Variants in APC observed in about 807,000 individuals in gnomAD.
APC encodes the protein APC regulator of Wnt signaling pathway.
A neutral mutation model predicts 247.0 loss-of-function variants in APC; 72 were observed. That is an observed-to-expected ratio of 0.29 (90% CI 0.24 to 0.35). APC has a LOEUF of 0.35. Ranked by LOEUF, APC falls within the 10% of genes least tolerant of loss-of-function variation. The pLI is 1.00. For missense variants in APC, 3,400 were observed against 3,360.7 expected (o/e 1.01, Z -0.29); for synonymous variants, 1,254 against 1,162.5 (o/e 1.08, Z -1.60).
intron 2 of APC, among the ~76,000 whole-genome samples, chr5:112,757,422 A>T (rs936378534): frequency 6.6e-6 from 1 of 152,016 alleles, no homozygotes; most frequent in Non-Finnish European, 1.5e-5. Flanking sequence ...CTGTTCATTA[A>T]TCTCTTTACC....
rs528532224 is a variant in APC at position 112,717,071 on chromosome 5, C to T, written c.165+9189C>T. Among the ~76,000 whole-genome samples the T allele has an allele frequency of 1.2e-3, 190 of 152,220 alleles. 3 individuals are homozygous for T. In the Middle Eastern group the frequency reaches 0.024, roughly 19 times the overall value. On this transcript the variant is annotated intron_variant, in intron 1 of 13. Transcript: ENST00000507379. The stretch of plus-strand genomic sequence containing the variant: ...TGTTGCCCAGGCTGGAGTGCAGTAG[C>T]GTGATCTTGGCTCACTGCAACCTCT...
chr5:112,828,333 G>T (rs1295071909), intron 13 of APC, among the ~76,000 whole-genome samples: 1 of 151,940 alleles, frequency 6.6e-6, no homozygotes, highest in Non-Finnish European at 1.5e-5. Flanking sequence ...TTAGATTGTT[G>T]CTCAGTATTT....
intron 2 of APC, among the ~76,000 whole-genome samples, chr5:112,765,746 A>G (rs1228732937): frequency 6.6e-6 from 1 of 152,200 alleles, no homozygotes; most frequent in African/African-American, 2.4e-5. Flanking sequence ...TTGAGAAAAA[A>G]TGATCAAGAA....
intron 13 of APC, among the ~76,000 whole-genome samples, chr5:112,828,345 G>A (rs541411611): frequency 6.6e-6 from 1 of 151,436 alleles, no homozygotes; most frequent in Non-Finnish European, 1.5e-5. Flanking sequence ...TCAGTATTTA[G>A]TATCTCATGT....
chr5:112,831,895 A>G (rs915220404), intron 14 of APC, among the ~76,000 whole-genome samples: 7 of 152,246 alleles, frequency 4.6e-5, no homozygotes, highest in African/African-American at 7.2e-5. Flanking sequence ...ACCTTTGTGT[A>G]TCAGAGTGTT....
In APC at chr5:112,834,979, C is replaced by T. The variant is rs2149841228; in HGVS notation, c.1772C>T (p.Ala591Val). The T allele has an allele frequency of 6.2e-7, 1 of 1,613,982 alleles. No homozygotes were observed. The highest frequency in any genetic ancestry group is 8.5e-7 in the Non-Finnish European group (1 of 1,179,934). The part of the protein sequence containing the change: ...KESTLKSVLS[A>V]LWNLSAHCTE... ...TCAACCCTCAAAAGCGTATTGAGTGCCTTATGGAATTTGTCAGCACATTGC... is the reference window on the plus strand; with the variant it reads ...TCAACCCTCAAAAGCGTATTGAGTGTCTTATGGAATTTGTCAGCACATTGC... The change falls in exon 15 of 16, where the codon GCC (alanine) becomes GTC (valine). Residue 591 changes from alanine (A) to valine (V), a missense_variant. By Grantham distance (64) the Ala-to-Val change is moderately conservative. Coordinates refer to ENST00000257430, the MANE Select transcript of APC (RefSeq NM_000038.6).
At chr5:112,794,995 T>C (rs1760045626) in intron 7 of APC, among the ~76,000 whole-genome samples, 1 of 152,188 alleles carries the variant, frequency 6.6e-6, no homozygotes, top group African/African-American at 2.4e-5. Context: ...TAGTGGAATC[T>C]AGGCATGTCA....
chr5:112,804,519 A>G (rs1481832665), intron 8 of APC, among the ~76,000 whole-genome samples: 2 of 152,110 alleles, frequency 1.3e-5, no homozygotes, highest in Admixed American at 6.6e-5. Context: ...AGCTGGGACT[A>G]CAGGTGTGTG....
intron 1 of APC, among the ~76,000 whole-genome samples, chr5:112,727,380 T>C (rs1313807796): frequency 2.0e-5 from 3 of 152,168 alleles, no homozygotes; most frequent in African/African-American, 7.2e-5. Flanking sequence ...AATATGATAT[T>C]TTAAAAGCTT....
chr5:112,723,866 A>G (rs760365509), intron 1 of APC, among the ~76,000 whole-genome samples: 4 of 152,172 alleles, frequency 2.6e-5, no homozygotes, highest in Non-Finnish European at 5.9e-5. Flanking sequence ...CTCTTTGCCA[A>G]GCAATTAAAG....
At chr5:112,805,692 T>G (rs976173557) in intron 8 of APC, among the ~76,000 whole-genome samples, 1 of 152,220 alleles carries the variant, frequency 6.6e-6, no homozygotes, top group Non-Finnish European at 1.5e-5. Context: ...TTTATTAGTT[T>G]GTTTTGTTTT....
rs1043708840 is a variant in APC, at chr5:112,846,047, C to T, written c.*1921C>T. 1.3e-5 allele frequency: 3 copies of T among 231,930 alleles called. No individual in the cohort carries two copies. Among genetic ancestry groups the T allele is most frequent in the African/African-American group, 6.6e-5 (3 of 45,270 alleles). The allele number at this position is 231,930 out of a possible 1,614,324, so 14.4% of individuals were successfully genotyped here. A position where few individuals can be genotyped will look rare whatever the true frequency, so the allele number is the denominator to read the frequency against. ...GCTAAAATGCCAGTAAATAAAAGTG[C>T]TATGACTTGAGCTAAGATATTTGAC... On this transcript the variant is annotated 3_prime_UTR_variant, in exon 16 of 16. Coordinates refer to ENST00000257430, the MANE Select transcript of APC (RefSeq NM_000038.6).
rs1429224530 is a variant in APC, at chr5:112,841,291, A to G, written c.5697A>G (p.Glu1899=). 1 of 1,613,990 alleles carries G rather than the reference A, an allele frequency of 6.2e-7. No homozygotes were observed. The highest frequency in any genetic ancestry group is 8.5e-7 in the Non-Finnish European group (1 of 1,179,914). The change falls in exon 16 of 16, where the codon GAA becomes GAG. Residue 1899 remains glutamate, a synonymous_variant. Coordinates refer to ENST00000257430, the MANE Select transcript of APC (RefSeq NM_000038.6). The surrounding 1 kb of genome is among the most constrained non-coding windows in gnomAD (Gnocchi z 4.6). ...AGGCTAAAGTTACCAGCCACACAGA[A>G]CTAACCTCCAACCAACAATCAGCTA... is the stretch of plus-strand genomic sequence containing the variant. ...ESEAKVTSHT[E]LTSNQQSANK...
chr5:112,780,666 C>T lies in APC; in HGVS notation c.532-124C>T, dbSNP rs560088625. 4.8e-5 allele frequency: 33 copies of T among 687,546 alleles called. 1 individual carries two copies. In the East Asian group the frequency reaches 7.4e-4, roughly 15 times the overall value. 42.6% of individuals were successfully genotyped at this position (687,546 alleles called of 1,614,324 possible). The stretch of plus-strand genomic sequence containing the variant: ...ACTCCTTGGAGTAAAAAATAATTTT[C>T]TCATGCACCATGACTGACGTATTTG... On this transcript the variant is annotated intron_variant, in intron 5 of 15. Coordinates refer to ENST00000257430, the MANE Select transcript of APC (RefSeq NM_000038.6).
chr5:112,815,661 T>G, intron 9 of APC, 68 bp downstream of exon 9: 1 of 1,269,132 alleles, frequency 7.9e-7, no homozygotes, highest in Non-Finnish European at 1.1e-6. Flanking sequence ...CTTGGCCAGG[T>G]GCAGTGGCTC....
At chr5:112,787,269 A>G (rs1759070287) in intron 6 of APC, among the ~76,000 whole-genome samples, 1 of 152,236 alleles carries the variant, frequency 6.6e-6, no homozygotes, top group African/African-American at 2.4e-5. Flanking sequence ...GTAAAACTTA[A>G]TTTATAAAAA....
chr5:112,749,861 A>G (rs1245739661), intron 1 of APC, among the ~76,000 whole-genome samples: 1 of 148,250 alleles, frequency 6.7e-6, no homozygotes, highest in East Asian at 2.0e-4. Flanking sequence ...TAGAATCTTT[A>G]ATATGTTTGG....
At chr5:112,819,549 TAAG>T (rs1168550498) in intron 10 of APC, among the ~76,000 whole-genome samples, 1 of 152,196 alleles carries the variant, frequency 6.6e-6, no homozygotes, top group Non-Finnish European at 1.5e-5. Context: ...TGCACTACTA[TAAG>T]AACAGTAAGT....
chr5:112,827,296 A>G, intron 12 of APC, 49 bp downstream of exon 12: 1 of 1,592,440 alleles, frequency 6.3e-7, no homozygotes, highest in Non-Finnish European at 8.6e-7. Flanking sequence ...GTATGAGTTA[A>G]TTTACTTTCA....
Sources: gnomAD v4.1 joint callset for allele counts (sites outside exome capture counted in the v4.1 genomes callset) on GRCh38, gnomAD v4.1.1 for gene constraint, Gnocchi (gnomAD v3.1) non-coding constraint, MANE v1.5 for transcripts, NCBI Gene and HGNC (gene_info 2026-07-23, HGNC 2026-07-21) for gene names.